Variants in COBL observed in about 807,000 individuals in gnomAD.
The protein encoded by COBL is protein cordon-bleu.
COBL carries 51 observed loss-of-function variants against 98.8 expected under a neutral mutation model. That is an observed-to-expected ratio of 0.52 (90% CI 0.41 to 0.65). COBL has a LOEUF of 0.65. Ranked by LOEUF, COBL falls within the 30% of genes least tolerant of loss-of-function variation. COBL has a pLI of 0.00. For synonymous variants in COBL, 634 were observed against 651.7 expected, an observed-to-expected ratio of 0.97 and a Z score of 0.41; for missense variants, 1,617 against 1,617.5, an observed-to-expected ratio of 1.00 and a Z score of 0.01.
chr7:51,285,952 A>AT (rs1009840974), intron 1 of COBL, among the ~76,000 whole-genome samples: 11 of 152,168 alleles, frequency 7.2e-5, no homozygotes, highest in African/African-American at 2.4e-4. Flanking sequence ...TATTCAAGTG[A>AT]TTTTTTATGA....
At chr7:51,245,272 A>G (rs560326685) in intron 1 of COBL, among the ~76,000 whole-genome samples, 2 of 152,300 alleles carry the variant, frequency 1.3e-5, no homozygotes, top group East Asian at 3.9e-4. Flanking sequence ...TGGAATTGCC[A>G]TCAAAGTCCA....
At chr7:51,206,676 T>C (rs989797774) in intron 2 of COBL, among the ~76,000 whole-genome samples, 3 of 152,154 alleles carry the variant, frequency 2.0e-5, no homozygotes, top group Non-Finnish European at 2.9e-5. Flanking sequence ...GTATATACAA[T>C]GAAGTATTAC....
intron 6 of COBL, among the ~76,000 whole-genome samples, chr7:51,102,377 G>A (rs565076277): frequency 5.9e-5 from 9 of 152,134 alleles, no homozygotes; most frequent in African/African-American, 2.2e-4. Flanking sequence ...CATCATCCTC[G>A]AGGTCAGAAG....
chr7:51,274,024 C>T (rs1799044312), intron 1 of COBL, among the ~76,000 whole-genome samples: 1 of 152,132 alleles, frequency 6.6e-6, no homozygotes, highest in East Asian at 1.9e-4. Context: ...CCCTGTAATG[C>T]TCTCCTTAGA....
At chr7:51,253,535 C>T (rs1442303907) in intron 1 of COBL, among the ~76,000 whole-genome samples, 2 of 152,184 alleles carry the variant, frequency 1.3e-5, no homozygotes, top group Non-Finnish European at 2.9e-5. Context: ...GGAAAGGTAT[C>T]ATTGCTATTT....
At chr7:51,034,164 T>C (rs970054946) in intron 8 of COBL, 5 of 152,490 alleles carry the variant, frequency 3.3e-5, no homozygotes, top group Admixed American at 6.5e-5. Flanking sequence ...TTCCAGGCAA[T>C]GCTGGTACCT....
chr7:51,150,518 C>A (rs997723482), intron 5 of COBL, among the ~76,000 whole-genome samples: 1 of 152,208 alleles, frequency 6.6e-6, no homozygotes, highest in Non-Finnish European at 1.5e-5. Context: ...TACTCCTCTT[C>A]TCACATTTTG....
In COBL at chr7:51,027,773, G is replaced by C; in HGVS notation, c.3323C>G (p.Ser1108Cys). The change falls in exon 10 of 13, where the codon TCC becomes TGC. Residue 1108 changes from serine (S) to cysteine (C), a missense_variant. Physicochemically the swap from Ser to Cys is moderately radical, Grantham distance 112 (BLOSUM62 -1). Around this residue, in one of 3 missense-constraint regions of COBL, gnomAD observed 1,304 missense variants for 1,282.0 expected, o/e 1.02. Coordinates refer to ENST00000265136, the MANE Select transcript of COBL (RefSeq NM_015198.5). ...VVQRPVPKDT[S>C]LHSALMEAIH... ...GGCTTCCATCAGGGCAGAGTGCAGG[G>C]ATGTGTCTTTTGGGACTGGTCTCTG... The C allele has an allele frequency of 1.9e-6, 3 of 1,614,220 alleles. No individual in the cohort carries two copies. The highest frequency in any genetic ancestry group is 2.5e-6 in the Non-Finnish European group (3 of 1,180,044).
chr7:51,277,816 G>C (rs1226386958), intron 1 of COBL, among the ~76,000 whole-genome samples: 1 of 152,162 alleles, frequency 6.6e-6, no homozygotes, highest in Non-Finnish European at 1.5e-5. Flanking sequence ...GAACACTCAA[G>C]AGGCACAGCA....
At chr7:51,198,051 T>C (rs1336395526) in intron 2 of COBL, among the ~76,000 whole-genome samples, 1 of 152,208 alleles carries the variant, frequency 6.6e-6, no homozygotes, top group Non-Finnish European at 1.5e-5. Context: ...TTTGATCCTG[T>C]TATCATGATG....
Position 51,017,428 on chromosome 7 carries a change from G to A in COBL, c.*123C>T, listed in dbSNP as rs1430026857. The A allele has an allele frequency of 2.0e-4, 142 of 705,576 alleles. No individual in the cohort carries two copies. The highest frequency in any genetic ancestry group is 1.3e-4 in the African/African-American group (3 of 22,434). The allele number at this position is 705,576 out of a possible 1,614,324, so 43.7% of individuals were successfully genotyped here. ...GGAACACACCGAAAATCAACTGTGC[G>A]CATTTGGCCTGTAGACAAGAAAGTA... On this transcript the variant is annotated 3_prime_UTR_variant, in exon 13 of 13. Coordinates refer to ENST00000265136, the MANE Select transcript of COBL (RefSeq NM_015198.5).
At chr7:51,129,187 T>C (rs1373628538) in intron 6 of COBL, among the ~76,000 whole-genome samples, 3 of 152,162 alleles carry the variant, frequency 2.0e-5, no homozygotes, top group Admixed American at 6.5e-5. Flanking sequence ...GGGAGGCTTA[T>C]AAACAACAGA....
At chr7:51,066,635 C>G (rs1351317782) in intron 7 of COBL, among the ~76,000 whole-genome samples, 1 of 152,152 alleles carries the variant, frequency 6.6e-6, no homozygotes, top group Non-Finnish European at 1.5e-5. Flanking sequence ...AAGGGTTACT[C>G]CAGGAAAAGT....
At chr7:51,182,090 A>T (rs553162414) in intron 5 of COBL, among the ~76,000 whole-genome samples, 1 of 152,250 alleles carries the variant, frequency 6.6e-6, no homozygotes, top group African/African-American at 2.4e-5. Flanking sequence ...CAAAGAGAAC[A>T]ACTACTTGAG....
intron 2 of COBL, among the ~76,000 whole-genome samples, chr7:51,209,599 C>A (rs369459007): frequency 6.6e-6 from 1 of 152,152 alleles, no homozygotes; most frequent in Admixed American, 6.5e-5. Context: ...CTCAGCATAG[C>A]GAACAGACTT....
At chr7:51,204,741 G>A (rs918320289) in intron 2 of COBL, among the ~76,000 whole-genome samples, 2 of 151,968 alleles carry the variant, frequency 1.3e-5, no homozygotes, top group African/African-American at 2.4e-5. Context: ...CGTAGAGACA[G>A]GGATTCACCA....
At chr7:51,118,477 T>C (rs1255722079) in intron 6 of COBL, among the ~76,000 whole-genome samples, 1 of 151,992 alleles carries the variant, frequency 6.6e-6, no homozygotes, top group Non-Finnish European at 1.5e-5. Context: ...AATCCTCGCA[T>C]CCTAGGGGCC....
rs1399340554 is a variant in COBL at position 51,260,228 on chromosome 7, A to C, written c.42-40284T>G. On this transcript the variant is annotated intron_variant, in intron 1 of 12. Transcript: ENST00000265136. ...CTACCACATGGGGAAGATGGCACTCACTCTATCAAGACCATATACTATTTT... is the reference window on the plus strand; with the variant it reads ...CTACCACATGGGGAAGATGGCACTCCCTCTATCAAGACCATATACTATTTT... 5 of 633,828 alleles carry C rather than the reference A, an allele frequency of 7.9e-6. No homozygotes were observed. The Admixed American group carries it at 8.4e-5, about 11-fold the overall frequency. 39.3% of individuals were successfully genotyped at this position (633,828 alleles called of 1,614,324 possible). A position where few individuals can be genotyped will look rare whatever the true frequency, so the allele number is the denominator to read the frequency against.
In COBL at chr7:51,024,312, T is replaced by C. The variant is rs971209928; in HGVS notation, c.3768+797A>G. On this transcript the variant is annotated intron_variant, in intron 12 of 12. Coordinates refer to ENST00000265136, the MANE Select transcript of COBL (RefSeq NM_015198.5). ...CGACAGAGTGAGACTCCGTCTCAGATAAATAAATAAATAAATAAATAAAAT... is the reference window on the plus strand; with the variant it reads ...CGACAGAGTGAGACTCCGTCTCAGACAAATAAATAAATAAATAAATAAAAT... 5.3e-5 allele frequency among the ~76,000 whole-genome samples: 8 copies of C among 151,558 alleles called. No individual in the cohort carries two copies. The East Asian group carries it at 1.4e-3, about 26-fold the overall frequency.
Sources: gnomAD v4.1 joint callset for allele counts (sites outside exome capture counted in the v4.1 genomes callset) on GRCh38, gnomAD v4.1.1 for gene constraint, gnomAD v4.1.1 regional missense constraint, MANE v1.5 for transcripts, NCBI Gene and HGNC (gene_info 2026-07-23, HGNC 2026-07-21) for gene names.